The following TDRD12 variants were observed in gnomAD, a reference collection of about 807,000 sequenced individuals.
The protein encoded by TDRD12 is putative ATP-dependent RNA helicase TDRD12.
TDRD12 carries 158 observed loss-of-function variants against 133.5 expected under a neutral mutation model. The observed-to-expected ratio is 1.18, with a 90% CI of 1.04 to 1.35. The LOEUF is 1.35. TDRD12 is among the 40% of genes most tolerant of loss of function. The pLI is 0.00. For synonymous variants in TDRD12, 460 were observed against 477.9 expected, an observed-to-expected ratio of 0.96 and a Z score of 0.49; for missense variants, 1,443 against 1,321.3, an observed-to-expected ratio of 1.09 and a Z score of -1.43.
intron 11 of TDRD12, among the ~76,000 whole-genome samples, chr19:32,787,443 T>A (rs1031554514): frequency 1.3e-5 from 2 of 152,230 alleles, no homozygotes; most frequent in African/African-American, 4.8e-5. Flanking sequence ...GGAGAACCAC[T>A]GCTCTCTTCA....
chr19:32,765,703 A>C (rs1368493230), intron 8 of TDRD12, among the ~76,000 whole-genome samples: 1 of 149,386 alleles, frequency 6.7e-6, no homozygotes, highest in Non-Finnish European at 1.5e-5. Flanking sequence ...ACACTTGGAC[A>C]CAGGAAGGGG....
At chr19:32,822,257 C>G (rs1967424270), downstream of TDRD12, among the ~76,000 whole-genome samples, 1 of 152,122 alleles carries the variant, frequency 6.6e-6, no homozygotes, top group Non-Finnish European at 1.5e-5. Flanking sequence ...TGTTGGAACC[C>G]CATCTCTACT....
intron 2 of TDRD12, 83 bp downstream of exon 2, chr19:32,731,966 A>C: frequency 7.4e-7 from 1 of 1,356,540 alleles, no homozygotes; most frequent in Non-Finnish European, 9.8e-7. Flanking sequence ...TGATGATTCA[A>C]GCTTTTAGAG....
chr19:32,815,597 T>C (rs1325013622), exon 26 of TDRD12: 3 of 1,536,052 alleles, frequency 2.0e-6, no homozygotes, highest in Non-Finnish European at 2.6e-6. Context: ...TACCAGCTTG[T>C]GAAGAAAGCC....
In TDRD12 at chr19:32,797,791, A is replaced by G. The variant is rs572899853; in HGVS notation, c.1530A>G (p.Leu510=). The G allele has an allele frequency of 1.3e-3, 916 of 702,104 alleles. 13 individuals are homozygous for G. Among genetic ancestry groups the G allele is most frequent in the South Asian group, 0.013 (849 of 67,372 alleles). The allele number at this position is 702,104 out of a possible 1,614,324, so 43.5% of individuals were successfully genotyped here. The change falls in exon 15 of 28, where the codon TTA becomes TTG. Residue 510 remains leucine, a synonymous_variant. Coordinates refer to ENST00000444215, the Ensembl canonical transcript of TDRD12. The stretch of plus-strand genomic sequence containing the variant: ...AGAAGGCCCAATTTATTTTTGAATT[A>G]TTGGGAGAATATAGCATGTCCTCCA...
At position 32,802,970 on chromosome 19, in the gene TDRD12, C is replaced by T. The variant is rs1045943766; in HGVS notation, c.2380C>T (p.Leu794=). Reference sequence around the variant, plus strand: ...TAAGAAAGCCAAATCTGTCTTGCTGCTGACGGAGAAAGATGCGAGCCATGC... The same window carrying T: ...TAAGAAAGCCAAATCTGTCTTGCTGTTGACGGAGAAAGATGCGAGCCATGC... The change falls in exon 21 of 28, where the codon CTG becomes TTG. Residue 794 remains leucine (L), a synonymous_variant. Transcript: ENST00000444215. 2.0e-5 allele frequency: 30 copies of T among 1,535,970 alleles called. No homozygotes were observed. In the African/African-American group the frequency reaches 4.0e-4, roughly 20 times the overall value.
chr19:32,829,023 G>T (rs1302770692), exon 10 of TDRD12: 1 of 152,444 alleles, frequency 6.6e-6, no homozygotes, highest in Non-Finnish European at 1.5e-5. Context: ...AAATTGGGCA[G>T]GCTCTTGGGA....
chr19:32,797,731 G>A lies in TDRD12; in HGVS notation c.1474-4G>A, dbSNP rs777346498. The A allele has an allele frequency of 1.4e-5, 9 of 664,128 alleles. No homozygotes were observed. The highest frequency in any genetic ancestry group is 1.8e-5 in the African/African-American group (1 of 55,040). The allele number at this position is 664,128 out of a possible 1,614,324, so 41.1% of individuals were successfully genotyped here. On this transcript the variant is annotated splice_region_variant and splice_polypyrimidine_tract_variant and intron_variant, in intron 14 of 27. Transcript: ENST00000444215. ...GAGTCATTTGAATTTGTCTGTCTTC[G>A]CAGCCTCTCGCAGTCATCGTGTGCC...
chr19:32,760,808 C>T (rs1970128330), intron 8 of TDRD12, among the ~76,000 whole-genome samples: 1 of 152,186 alleles, frequency 6.6e-6, no homozygotes. Flanking sequence ...ATAGAGTTTA[C>T]ATCCATCTTC....
At position 32,790,949 on chromosome 19, in the gene TDRD12, C is replaced by T. The variant is rs1231146414; in HGVS notation, c.1183-15C>T. On this transcript the variant is annotated splice_polypyrimidine_tract_variant and intron_variant, in intron 12 of 27. Coordinates refer to ENST00000444215, the Ensembl canonical transcript of TDRD12. ...CAGGGCAGACACTGGTTGTCTAATG[C>T]ACACGTTCTCTCAGTTGCAGAAGCT... 1.3e-6 allele frequency: 2 copies of T among 1,534,304 alleles called. No homozygotes were observed. The highest frequency in any genetic ancestry group is 1.2e-5 in the South Asian group (1 of 83,920).
intron 11 of TDRD12, among the ~76,000 whole-genome samples, chr19:32,788,861 C>T (rs1184924168): frequency 2.6e-5 from 4 of 152,168 alleles, no homozygotes; most frequent in Non-Finnish European, 5.9e-5. Context: ...GAAGGCTTCT[C>T]CTGTCTCTGG....
intron 2 of TDRD12, 28 bp from the exon 3 acceptor site, chr19:32,738,828 T>A (rs763420201): frequency 6.5e-7 from 1 of 1,545,046 alleles, no homozygotes. Context: ...AATAAATAAA[T>A]AAAAATAACT....
chr19:32,742,056 G>A (rs7258269), intron 3 of TDRD12, among the ~76,000 whole-genome samples: 38,012 of 151,934 alleles, frequency 0.25, 5,100 homozygotes, highest in Middle Eastern at 0.33. Context: ...AGGTAATTTT[G>A]GTCATATATT....
intron 13 of TDRD12, among the ~76,000 whole-genome samples, chr19:32,792,862 C>T (rs887487270): frequency 6.6e-6 from 1 of 152,180 alleles, no homozygotes; most frequent in Non-Finnish European, 1.5e-5. Flanking sequence ...CTTCAGATGT[C>T]TCCACAGTGC....
At chr19:32,722,296 C>A (rs570171681) in intron 1 of TDRD12, among the ~76,000 whole-genome samples, 1 of 152,154 alleles carries the variant, frequency 6.6e-6, no homozygotes, top group Non-Finnish European at 1.5e-5. Context: ...ACTTTGATAG[C>A]AGGAGCTGGA....
At chr19:32,810,008 C>G in intron 22 of TDRD12, 85 bp from the exon 23 acceptor site, 1 of 858,560 alleles carries the variant, frequency 1.2e-6, no homozygotes. Context: ...AGGTTGGGTA[C>G]TGATTTCTGC....
chr19:32,791,381 A>G (rs538405226), intron 13 of TDRD12, among the ~76,000 whole-genome samples: 1 of 152,322 alleles, frequency 6.6e-6, no homozygotes, highest in African/African-American at 2.4e-5. Flanking sequence ...GCAGGCCACC[A>G]GGGCAATTGT....
chr19:32,728,809 CT>C (rs1243160982), intron 1 of TDRD12, among the ~76,000 whole-genome samples: 1 of 119,380 alleles, frequency 8.4e-6, no homozygotes, highest in Non-Finnish European at 1.7e-5. Flanking sequence ...CCACACCTGG[CT>C]ATTTTTTTTT....
At chr19:32,744,370 C>T (rs1338640858) in intron 4 of TDRD12, among the ~76,000 whole-genome samples, 1 of 151,220 alleles carries the variant, frequency 6.6e-6, no homozygotes, top group Non-Finnish European at 1.5e-5. Flanking sequence ...CGCAGTGGTA[C>T]GCGCCTGTAA....
Sources: gnomAD v4.1 joint callset for allele counts (sites outside exome capture counted in the v4.1 genomes callset) on GRCh38, gnomAD v4.1.1 for gene constraint, MANE v1.5 for transcripts, NCBI Gene and HGNC (gene_info 2026-07-23, HGNC 2026-07-21) for gene names.